Variants in CPA6 observed in about 807,000 individuals in gnomAD.
CPA6 encodes the protein carboxypeptidase A6, also known as carboxypeptidase B.
A neutral mutation model predicts 63.3 loss-of-function variants in CPA6; 58 were observed. That is an observed-to-expected ratio of 0.92 (90% confidence interval 0.74 to 1.14). The LOEUF is 1.14. CPA6 is among the 50% of genes most tolerant of loss of function. The pLI, the probability that CPA6 is intolerant of heterozygous loss-of-function variation, is 0.00. For synonymous variants in CPA6, 185 were observed against 179.0 expected (o/e 1.03, Z -0.27); for missense variants, 565 against 526.6 (o/e 1.07, Z -0.71).
At chr8:67,707,121 A>G (rs542624375) in intron 1 of CPA6, among the ~76,000 whole-genome samples, 5 of 152,306 alleles carry the variant, frequency 3.3e-5, no homozygotes, top group African/African-American at 1.2e-4. Flanking sequence ...GATCCTCTTC[A>G]AAAGATGGCT....
At chr8:67,475,975 T>C (rs1442828402) in intron 8 of CPA6, among the ~76,000 whole-genome samples, 1 of 146,092 alleles carries the variant, frequency 6.8e-6, no homozygotes, top group African/African-American at 2.7e-5. Flanking sequence ...TCTCTCTCTC[T>C]TTCTTTCTCT....
At chr8:67,560,873 T>G (rs1400554334) in intron 2 of CPA6, among the ~76,000 whole-genome samples, 2 of 152,144 alleles carry the variant, frequency 1.3e-5, no homozygotes, top group African/African-American at 4.8e-5. Flanking sequence ...TATGTGGACA[T>G]TATAACCAAA....
At chr8:67,680,068 C>CA (rs1308588591) in intron 1 of CPA6, among the ~76,000 whole-genome samples, 1 of 152,192 alleles carries the variant, frequency 6.6e-6, no homozygotes, top group African/African-American at 2.4e-5. Flanking sequence ...GCATTTCCCC[C>CA]AGGATTCCTA....
intron 2 of CPA6, among the ~76,000 whole-genome samples, chr8:67,616,547 G>T (rs1453255780): frequency 1.5e-5 from 2 of 136,956 alleles, no homozygotes; most frequent in Non-Finnish European, 3.2e-5. Context: ...GTGTGTGTGT[G>T]TGTGTTGTGG....
intron 8 of CPA6, among the ~76,000 whole-genome samples, chr8:67,455,758 T>C (rs1476043628): frequency 2.0e-5 from 3 of 151,884 alleles, no homozygotes; most frequent in African/African-American, 7.3e-5. Flanking sequence ...AGGTCTCATT[T>C]TGTTACCCAG....
chr8:67,572,703 C>T (rs1011219105), intron 2 of CPA6, among the ~76,000 whole-genome samples: 5 of 152,230 alleles, frequency 3.3e-5, no homozygotes, highest in Admixed American at 6.5e-5. Flanking sequence ...TTCTACCAAA[C>T]GTTTAAATAA....
At chr8:67,501,149 A>AT (rs1335159526) in intron 6 of CPA6, among the ~76,000 whole-genome samples, 1 of 152,132 alleles carries the variant, frequency 6.6e-6, no homozygotes, top group Non-Finnish European at 1.5e-5. Flanking sequence ...CTCTATATCA[A>AT]TTTGAGTAGA....
At chr8:67,521,406 A>G (rs1481417583) in intron 2 of CPA6, among the ~76,000 whole-genome samples, 1 of 152,242 alleles carries the variant, frequency 6.6e-6, no homozygotes, top group East Asian at 1.9e-4. Flanking sequence ...GAGCCTCAGT[A>G]TCCTCATGTG....
At chr8:67,507,024 CCTAT>C (rs1490235724) in intron 5 of CPA6, 136 bp from the exon 6 acceptor site, 5 of 578,720 alleles carry the variant, frequency 8.6e-6, no homozygotes, top group Non-Finnish European at 1.6e-5. Flanking sequence ...AAAGGGAGTT[CCTAT>C]CTATCTCGAA....
At chr8:67,555,039 T>G (rs1418797714) in intron 2 of CPA6, among the ~76,000 whole-genome samples, 1 of 152,214 alleles carries the variant, frequency 6.6e-6, no homozygotes, top group African/African-American at 2.4e-5. Flanking sequence ...GCACTGAGAA[T>G]AAACAATGCT....
chr8:67,553,107 G>A (rs1275194060), intron 2 of CPA6, among the ~76,000 whole-genome samples: 2 of 152,128 alleles, frequency 1.3e-5, no homozygotes, highest in Non-Finnish European at 2.9e-5. Context: ...TTATCAAATT[G>A]ACTATGCTGT....
At chr8:67,677,571 A>G (rs751106388) in intron 1 of CPA6, among the ~76,000 whole-genome samples, 24 of 151,674 alleles carry the variant, frequency 1.6e-4, no homozygotes, top group Non-Finnish European at 1.9e-4. Context: ...CAGGCTGCAC[A>G]TCTCTCTCTC....
At chr8:67,633,145 TC>T (rs1308330772) in intron 1 of CPA6, among the ~76,000 whole-genome samples, 2 of 152,190 alleles carry the variant, frequency 1.3e-5, no homozygotes, top group Non-Finnish European at 2.9e-5. Flanking sequence ...AAACTTTTAC[TC>T]CTATAAAGCT....
At chr8:67,543,488 TAA>T (rs1334884727) in intron 2 of CPA6, among the ~76,000 whole-genome samples, 1 of 152,140 alleles carries the variant, frequency 6.6e-6, no homozygotes, top group African/African-American at 2.4e-5. Flanking sequence ...AATACACAGT[TAA>T]AGATTCAACA....
At chr8:67,730,994 A>G (rs182561755) in intron 1 of CPA6, among the ~76,000 whole-genome samples, 2 of 152,380 alleles carry the variant, frequency 1.3e-5, no homozygotes, top group Admixed American at 6.5e-5. Flanking sequence ...CAATCCTGCT[A>G]TTACAGAAAT....
At chr8:67,481,020 T>G (rs1811350431) in intron 8 of CPA6, among the ~76,000 whole-genome samples, 1 of 152,238 alleles carries the variant, frequency 6.6e-6, no homozygotes. Flanking sequence ...GGGTTACTTG[T>G]GTTTTTATTG....
chr8:67,688,777 G>A (rs1816757033), intron 1 of CPA6, among the ~76,000 whole-genome samples: 1 of 151,868 alleles, frequency 6.6e-6, no homozygotes, highest in Non-Finnish European at 1.5e-5. Context: ...TTCTTTTTCT[G>A]TCCACCCATT....
intron 1 of CPA6, among the ~76,000 whole-genome samples, chr8:67,737,040 C>T (rs1440245328): frequency 6.6e-6 from 1 of 152,182 alleles, no homozygotes; most frequent in Non-Finnish European, 1.5e-5. Context: ...TTCAGCCCTC[C>T]AATCTTCCCT....
intron 1 of CPA6, among the ~76,000 whole-genome samples, chr8:67,636,152 G>A (rs78444647): frequency 0.01 from 1,587 of 151,536 alleles, 23 homozygotes; most frequent in East Asian, 0.032. Flanking sequence ...TAAAGGGGGT[G>A]GAAGGATTCT....
Sources: gnomAD v4.1 joint callset for allele counts (sites outside exome capture counted in the v4.1 genomes callset) on GRCh38, gnomAD v4.1.1 for gene constraint, MANE v1.5 for transcripts, NCBI Gene and HGNC (gene_info 2026-07-23, HGNC 2026-07-21) for gene names.